AGPS: variants seen among roughly 807,000 people sequenced by gnomAD.
AGPS encodes the protein alkyldihydroxyacetonephosphate synthase, peroxisomal.
Under a neutral mutation model 90.7 loss-of-function variants are expected in AGPS, and 26 were observed. That is an observed-to-expected ratio of 0.29 (90% CI 0.21 to 0.40). AGPS has a LOEUF of 0.40. AGPS is among the 10% of genes least tolerant of loss of function. The pLI, the probability that AGPS is intolerant of heterozygous loss-of-function variation, is 1.00. For missense variants in AGPS, 540 were observed against 816.1 expected (o/e 0.66, Z 4.12); for synonymous variants, 294 against 285.3 (o/e 1.03, Z -0.31).
rs1484398234 is a variant in AGPS, at chr2:177,540,024, A to G, written c.*1829A>G. ...TATAAAATTAAGGTACTAATGTCTC[A>G]CTGGAAGTATATATATATATATATA... On this transcript the variant is annotated 3_prime_UTR_variant, in exon 20 of 20. Transcript: ENST00000264167. 2.2e-5 allele frequency: 3 copies of G among 139,360 alleles called. No homozygotes were observed. The highest frequency in any genetic ancestry group is 8.1e-5 in the African/African-American group (3 of 37,060). 8.6% of individuals were successfully genotyped at this position (139,360 alleles called of 1,614,324 possible).
intron 8 of AGPS, among the ~76,000 whole-genome samples, chr2:177,457,743 C>A (rs1193214599): frequency 6.6e-6 from 1 of 152,198 alleles, no homozygotes; most frequent in African/African-American, 2.4e-5. Flanking sequence ...CAGCTGAATT[C>A]TACCAGAGAT....
At position 177,505,792 on chromosome 2, in the gene AGPS, A is replaced by G. The variant is rs139302096; in HGVS notation, c.1545+217A>G. 4.0e-3 allele frequency among the ~76,000 whole-genome samples: 611 copies of G among 152,024 alleles called. 5 individuals are homozygous for G. Among genetic ancestry groups the G allele is most frequent in the East Asian group, 0.032 (167 of 5,190 alleles). On this transcript the variant is annotated intron_variant, in intron 15 of 19. Transcript: ENST00000264167. The stretch of plus-strand genomic sequence containing the variant: ...TTGAAGAAGTTAAAGATGATTTAAT[A>G]TGTCTTTCTGCTCTTTAAAAGAATG...
At chr2:177,422,518 C>T (rs1685969715) in intron 2 of AGPS, among the ~76,000 whole-genome samples, 1 of 152,210 alleles carries the variant, frequency 6.6e-6, no homozygotes, top group Non-Finnish European at 1.5e-5. Flanking sequence ...AATAAGGGTT[C>T]ATCTGACTGG....
chr2:177,430,454 G>A (rs1584806), intron 2 of AGPS, among the ~76,000 whole-genome samples: 132,928 of 152,190 alleles, frequency 0.87, 58,191 homozygotes, highest in East Asian at 0.98. Context: ...TTTGAGACAC[G>A]GCTCTGTGTA....
chr2:177,399,891 A>G (rs1452385732), intron 1 of AGPS, among the ~76,000 whole-genome samples: 1 of 152,116 alleles, frequency 6.6e-6, no homozygotes, highest in Non-Finnish European at 1.5e-5. Flanking sequence ...TCAGAGTATT[A>G]TGTTTGTGAT....
intron 14 of AGPS, among the ~76,000 whole-genome samples, chr2:177,500,173 A>G (rs1024043151): frequency 6.6e-6 from 1 of 151,988 alleles, no homozygotes; most frequent in African/African-American, 2.4e-5. Context: ...TAAATTATCT[A>G]TACTGCACCC....
At chr2:177,438,518 C>T (rs1686488147) in intron 5 of AGPS, among the ~76,000 whole-genome samples, 1 of 152,144 alleles carries the variant, frequency 6.6e-6, no homozygotes, top group Non-Finnish European at 1.5e-5. Context: ...TGTAAAATCC[C>T]TCCCATTTTA....
chr2:177,393,170 T>C, intron 1 of AGPS, 121 bp downstream of exon 1: 1 of 1,546,944 alleles, frequency 6.5e-7, no homozygotes, highest in Admixed American at 2.0e-5. Flanking sequence ...TCCCGGTCCC[T>C]GAAAGTAGGG....
chr2:177,417,640 A>G (rs1342471425), intron 1 of AGPS, among the ~76,000 whole-genome samples: 1 of 152,196 alleles, frequency 6.6e-6, no homozygotes, highest in South Asian at 2.1e-4. Flanking sequence ...GATACTCACA[A>G]CTAACTTAGC....
intron 17 of AGPS, among the ~76,000 whole-genome samples, chr2:177,519,099 T>G (rs2105731255): frequency 6.6e-6 from 1 of 152,210 alleles, no homozygotes; most frequent in East Asian, 1.9e-4. Context: ...CTTCCTCAAG[T>G]TCTTTGGTTT....
chr2:177,451,314 G>T (rs1686944016), intron 8 of AGPS, among the ~76,000 whole-genome samples: 1 of 152,024 alleles, frequency 6.6e-6, no homozygotes, highest in Admixed American at 6.5e-5. Context: ...TGGTGCTGTT[G>T]TAATTGGTAT....
At chr2:177,516,253 T>G (rs1689019849) in intron 17 of AGPS, among the ~76,000 whole-genome samples, 1 of 152,180 alleles carries the variant, frequency 6.6e-6, no homozygotes, top group African/African-American at 2.4e-5. Context: ...TTCATTTTTG[T>G]CCATTAAAAT....
chr2:177,476,703 T>G (rs1160705587), intron 10 of AGPS, among the ~76,000 whole-genome samples: 1 of 152,150 alleles, frequency 6.6e-6, no homozygotes, highest in Non-Finnish European at 1.5e-5. Context: ...ACAAGTCCTA[T>G]TGCCTTCTTG....
At chr2:177,481,803 A>G (rs1246608525) in intron 10 of AGPS, among the ~76,000 whole-genome samples, 1 of 151,992 alleles carries the variant, frequency 6.6e-6, no homozygotes. Flanking sequence ...CTTCTTGGAG[A>G]AAGTTTACTT....
intron 19 of AGPS, among the ~76,000 whole-genome samples, chr2:177,530,203 G>A (rs2079125957): frequency 6.6e-6 from 1 of 152,096 alleles, no homozygotes; most frequent in African/African-American, 2.4e-5. Flanking sequence ...CACCCTATAG[G>A]AAAGTTTCTT....
chr2:177,435,089 G>A (rs951846385), intron 3 of AGPS, among the ~76,000 whole-genome samples: 3 of 146,466 alleles, frequency 2.0e-5, no homozygotes, highest in Non-Finnish European at 4.5e-5. Context: ...TATTATTGTT[G>A]CATTTCTTTT....
chr2:177,467,331 T>G (rs1687483846), intron 9 of AGPS, among the ~76,000 whole-genome samples: 1 of 152,194 alleles, frequency 6.6e-6, no homozygotes, highest in South Asian at 2.1e-4. Context: ...TTTATTTAAC[T>G]CCCTCTTAAT....
intron 1 of AGPS, among the ~76,000 whole-genome samples, chr2:177,418,157 A>G (rs890576452): frequency 2.6e-5 from 4 of 152,120 alleles, no homozygotes; most frequent in Non-Finnish European, 2.9e-5. Flanking sequence ...ACTGGGATGA[A>G]AAGAGAGAAA....
At chr2:177,443,955 T>A (rs576538980) in intron 7 of AGPS, among the ~76,000 whole-genome samples, 1 of 152,332 alleles carries the variant, frequency 6.6e-6, no homozygotes, top group South Asian at 2.1e-4. Context: ...GGTATATATT[T>A]AGAATGAGTA....
Sources: gnomAD v4.1 joint callset for allele counts (sites outside exome capture counted in the v4.1 genomes callset) on GRCh38, gnomAD v4.1.1 for gene constraint, MANE v1.5 for transcripts, NCBI Gene and HGNC (gene_info 2026-07-23, HGNC 2026-07-21) for gene names.